MAP4K3: variants seen among roughly 807,000 people sequenced by gnomAD.
MAP4K3 encodes the protein mitogen-activated protein kinase kinase kinase kinase 3.
A neutral mutation model predicts 143.5 loss-of-function variants in MAP4K3; 94 were observed. That is an observed-to-expected ratio of 0.65 (90% CI 0.55 to 0.78). The LOEUF is 0.78. MAP4K3 is among the 30% of genes least tolerant of loss of function. MAP4K3 has a pLI of 0.00. For synonymous variants in MAP4K3, 416 were observed against 347.2 expected, an observed-to-expected ratio of 1.20 and a Z score of -2.20; for missense variants, 1,077 against 1,068.1, an observed-to-expected ratio of 1.01 and a Z score of -0.12.
intron 9 of MAP4K3, 27 bp downstream of exon 9, chr2:39,326,119 A>G (rs1169527903): frequency 2.5e-6 from 4 of 1,601,984 alleles, no homozygotes; most frequent in Non-Finnish European, 3.4e-6. Context: ...CCTTAAGCGT[A>G]AGATTCTTCA....
rs145983219 is a variant in MAP4K3, at chr2:39,368,059, T to TGA, written c.154+10005_154+10006dup. Among the ~76,000 whole-genome samples the TGA allele has an allele frequency of 1.7e-3, 258 of 152,230 alleles. 5 individuals are homozygous for TGA. In the East Asian group the frequency reaches 0.024, roughly 14 times the overall value. On this transcript the variant is annotated intron_variant, in intron 2 of 33. Transcript: ENST00000263881. ...TTTTCTTACCTGGATCCAGCTCTTT[T>TGA]GAGAGCCAGGTTTACCCGAGTGGTT... is the stretch of plus-strand genomic sequence containing the variant.
In MAP4K3 at chr2:39,293,214, TA is replaced by T; in HGVS notation, c.1217+15del. 6.5e-7 allele frequency: 1 copy of T among 1,532,024 alleles called. No homozygotes were observed. The highest frequency in any genetic ancestry group is 8.9e-7 in the Non-Finnish European group (1 of 1,129,396). 94.9% of individuals were successfully genotyped at this position (1,532,024 alleles called of 1,614,324 possible). ...TCTGTGACATAAAGTACTTTAAGAT[TA>T]AAAATTAAAATTACCGCTGATGCAA... On this transcript the variant is annotated intron_variant, in intron 17 of 33. Transcript: ENST00000263881.
At chr2:39,427,992 A>T (rs1185801901) in intron 1 of MAP4K3, among the ~76,000 whole-genome samples, 1 of 152,216 alleles carries the variant, frequency 6.6e-6, no homozygotes, top group Non-Finnish European at 1.5e-5. Context: ...ACAGTTCTCC[A>T]CAATCGCAAA....
chr2:39,253,023 A>C (rs928636066), intron 32 of MAP4K3, among the ~76,000 whole-genome samples: 1 of 152,146 alleles, frequency 6.6e-6, no homozygotes, highest in African/African-American at 2.4e-5. Context: ...TCTTTCTCTG[A>C]CTAGTGTTTA....
intron 1 of MAP4K3, among the ~76,000 whole-genome samples, chr2:39,426,456 C>T (rs538869990): frequency 6.6e-6 from 1 of 151,704 alleles, no homozygotes; most frequent in African/African-American, 2.4e-5. Context: ...TTTAAATTTC[C>T]TGATTTTGAT....
chr2:39,343,290 T>C lies in MAP4K3; in HGVS notation c.310+98A>G, dbSNP rs1368227954. ...AAACAATATAACAATAAAACATAGC[T>C]TGCTTTCCTTAAGATAATGTTGATG... is the stretch of plus-strand genomic sequence containing the variant. On this transcript the variant is annotated intron_variant, in intron 4 of 33. Transcript: ENST00000263881. 5 of 792,388 alleles carry C rather than the reference T, an allele frequency of 6.3e-6. No individual in the cohort carries two copies. The African/African-American group carries it at 8.8e-5, about 14-fold the overall frequency. The allele number at this position is 792,388 out of a possible 1,614,324, so 49.1% of individuals were successfully genotyped here. A position where few individuals can be genotyped will look rare whatever the true frequency, so the allele number is the denominator to read the frequency against.
At chr2:39,359,933 G>A (rs140896745) in intron 2 of MAP4K3, among the ~76,000 whole-genome samples, 2 of 152,248 alleles carry the variant, frequency 1.3e-5, no homozygotes, top group Non-Finnish European at 2.9e-5. Flanking sequence ...GATGGGAGGG[G>A]TTGCTGCAAA....
At chr2:39,338,104 T>C (rs976291000) in intron 4 of MAP4K3, among the ~76,000 whole-genome samples, 1 of 152,008 alleles carries the variant, frequency 6.6e-6, no homozygotes, top group Admixed American at 6.6e-5. Flanking sequence ...CATTGTTGTA[T>C]CTCCAGTGTG....
At chr2:39,324,034 G>T (rs552116844) in intron 12 of MAP4K3, among the ~76,000 whole-genome samples, 1 of 152,182 alleles carries the variant, frequency 6.6e-6, no homozygotes, top group South Asian at 2.1e-4. Context: ...GCACATCAAG[G>T]ACTGCCTGTA....
intron 16 of MAP4K3, among the ~76,000 whole-genome samples, chr2:39,297,221 G>A (rs567246492): frequency 6.6e-6 from 1 of 151,898 alleles, no homozygotes; most frequent in African/African-American, 2.4e-5. Context: ...GGGTTCAAGC[G>A]ATTCCCCTGC....
At chr2:39,278,045 G>T (rs1253187646) in intron 24 of MAP4K3, among the ~76,000 whole-genome samples, 3 of 147,150 alleles carry the variant, frequency 2.0e-5, no homozygotes, top group African/African-American at 2.5e-5. Context: ...ACACTGGGAG[G>T]CCGAGGCGGG....
At chr2:39,397,176 A>C (rs1666831818) in intron 1 of MAP4K3, among the ~76,000 whole-genome samples, 1 of 152,206 alleles carries the variant, frequency 6.6e-6, no homozygotes, top group Non-Finnish European at 1.5e-5. Flanking sequence ...AATGTCTCTC[A>C]ACCAAGACTT....
At chr2:39,332,881 G>A (rs921900838) in intron 7 of MAP4K3, among the ~76,000 whole-genome samples, 7 of 151,268 alleles carry the variant, frequency 4.6e-5, no homozygotes, top group African/African-American at 1.7e-4. Context: ...TTTTAATTTG[G>A]GTTTATCTAA....
chr2:39,394,647 A>C (rs1203253124), intron 1 of MAP4K3, among the ~76,000 whole-genome samples: 1 of 152,174 alleles, frequency 6.6e-6, no homozygotes, highest in Admixed American at 6.6e-5. Flanking sequence ...AAAACAGCAT[A>C]TTCACAAATA....
At chr2:39,319,347 G>A (rs372310880) in intron 12 of MAP4K3, among the ~76,000 whole-genome samples, 13 of 151,480 alleles carry the variant, frequency 8.6e-5, no homozygotes, top group Admixed American at 1.3e-4. Context: ...TTCATTCCAC[G>A]TACAGTTTAT....
intron 2 of MAP4K3, among the ~76,000 whole-genome samples, chr2:39,362,067 C>T (rs1368313763): frequency 6.6e-6 from 1 of 151,950 alleles, no homozygotes; most frequent in Non-Finnish European, 1.5e-5. Context: ...AATAAAAATG[C>T]CAGTTGAATC....
chr2:39,349,905 C>T (rs576892397), intron 3 of MAP4K3, among the ~76,000 whole-genome samples: 1 of 152,160 alleles, frequency 6.6e-6, no homozygotes, highest in Admixed American at 6.5e-5. Context: ...TAGAAAATAT[C>T]CTAGCAATAC....
At chr2:39,263,373 G>C (rs1426864906) in intron 28 of MAP4K3, among the ~76,000 whole-genome samples, 1 of 147,972 alleles carries the variant, frequency 6.8e-6, no homozygotes, top group African/African-American at 2.5e-5. Flanking sequence ...CCCGGGTTCA[G>C]GCCATTCTCC....
chr2:39,365,317 C>T (rs959301627), intron 2 of MAP4K3, among the ~76,000 whole-genome samples: 4 of 151,952 alleles, frequency 2.6e-5, no homozygotes, highest in African/African-American at 9.7e-5. Context: ...ATGATGGTAA[C>T]ATCATGGCCT....
Sources: allele counts gnomAD v4.1 joint callset (sites outside exome capture counted in the v4.1 genomes callset), GRCh38; gene constraint gnomAD v4.1.1; transcripts MANE v1.5; gene names NCBI Gene and HGNC (gene_info 2026-07-23, HGNC 2026-07-21).